TMEM266: variants seen among roughly 807,000 people sequenced by gnomAD.
The protein encoded by TMEM266 is Hv1 related protein 1.
In TMEM266, 33 loss-of-function variants were observed where a neutral mutation model predicts 50.5. The observed-to-expected ratio is 0.65, with a 90% CI of 0.50 to 0.87. The LOEUF (loss-of-function observed/expected upper bound fraction) is 0.87. Among genes scored for constraint, TMEM266 ranks in the 40% least tolerant of loss-of-function variants. The pLI, the probability that TMEM266 is intolerant of heterozygous loss-of-function variation, is 0.00. For missense variants in TMEM266, 655 were observed against 695.1 expected (o/e 0.94, Z 0.65); for synonymous variants, 310 against 292.3 (o/e 1.06, Z -0.62).
chr15:76,155,679 A>G (rs1489459339), intron 3 of TMEM266, among the ~76,000 whole-genome samples: 1 of 152,166 alleles, frequency 6.6e-6, no homozygotes, highest in Admixed American at 6.5e-5. Context: ...TATCCATTTA[A>G]CTTCGTTGGA....
At chr15:76,198,416 C>A (rs931000844) in intron 9 of TMEM266, among the ~76,000 whole-genome samples, 1 of 152,198 alleles carries the variant, frequency 6.6e-6, no homozygotes, top group African/African-American at 2.4e-5. Context: ...GGAAGGTGGG[C>A]AGCCCTGTGT....
At chr15:76,144,047 A>G (rs1218610372) in intron 3 of TMEM266, among the ~76,000 whole-genome samples, 1 of 152,128 alleles carries the variant, frequency 6.6e-6, no homozygotes, top group Non-Finnish European at 1.5e-5. Context: ...TCTGACCTGA[A>G]TCATTGCTAA....
At chr15:76,103,533 G>A (rs2142005172) in intron 1 of TMEM266, among the ~76,000 whole-genome samples, 1 of 152,296 alleles carries the variant, frequency 6.6e-6, no homozygotes. Context: ...AAAAGGCCAT[G>A]GTGGGGCAGA....
intron 1 of TMEM266, among the ~76,000 whole-genome samples, chr15:76,094,717 T>A (rs1378765265): frequency 3.9e-5 from 6 of 152,122 alleles, no homozygotes; most frequent in African/African-American, 1.4e-4. Context: ...AGTATAGCCA[T>A]TTTTACAATA....
intron 1 of TMEM266, among the ~76,000 whole-genome samples, chr15:76,116,083 C>A (rs1233552171): frequency 1.3e-5 from 2 of 152,152 alleles, no homozygotes; most frequent in Admixed American, 1.3e-4. Flanking sequence ...TAAGAACTAG[C>A]ACCACGTCCT....
At chr15:76,126,749 G>T (rs992668441) in intron 1 of TMEM266, among the ~76,000 whole-genome samples, 6 of 151,956 alleles carry the variant, frequency 3.9e-5, no homozygotes, top group Non-Finnish European at 8.8e-5. Flanking sequence ...GGCTGGTCTC[G>T]ACCTCCTGAC....
At chr15:76,096,731 G>T (rs1280645249) in intron 1 of TMEM266, among the ~76,000 whole-genome samples, 1 of 151,944 alleles carries the variant, frequency 6.6e-6, no homozygotes, top group African/African-American at 2.4e-5. Context: ...CTATTATTGT[G>T]TTGAAGTCTA....
intron 1 of TMEM266, among the ~76,000 whole-genome samples, chr15:76,128,722 T>A (rs2037460191): frequency 6.6e-6 from 1 of 152,244 alleles, no homozygotes; most frequent in Non-Finnish European, 1.5e-5. Flanking sequence ...GATTAAAACC[T>A]CCAGCTGAAG....
intron 8 of TMEM266, among the ~76,000 whole-genome samples, chr15:76,190,887 C>T (rs1230537498): frequency 6.6e-6 from 1 of 152,160 alleles, no homozygotes; most frequent in Non-Finnish European, 1.5e-5. Context: ...TGTCCGCCCT[C>T]CCGACTCGCT....
At chr15:76,191,874 C>T (rs1024019718) in intron 8 of TMEM266, 94 bp from the exon 9 acceptor site, 2 of 1,196,482 alleles carry the variant, frequency 1.7e-6, no homozygotes, top group Non-Finnish European at 2.2e-6. Context: ...CTCCCCACCC[C>T]GCCCCCATGC....
intron 8 of TMEM266, among the ~76,000 whole-genome samples, chr15:76,180,799 A>T (rs1406980968): frequency 6.6e-6 from 1 of 151,528 alleles, no homozygotes; most frequent in Admixed American, 6.6e-5. Flanking sequence ...TTTTTAGTAG[A>T]GACGGGGTTT....
At chr15:76,197,188 A>G (rs550344213) in intron 9 of TMEM266, among the ~76,000 whole-genome samples, 4 of 152,314 alleles carry the variant, frequency 2.6e-5, no homozygotes, top group African/African-American at 9.6e-5. Context: ...CATGAAGGCA[A>G]GGCTTTCCAC....
intron 1 of TMEM266, among the ~76,000 whole-genome samples, chr15:76,124,634 T>TA (rs1440501858): frequency 1.3e-5 from 2 of 151,670 alleles, no homozygotes; most frequent in South Asian, 2.1e-4. Context: ...CCCCCAACTC[T>TA]AAAAAAAATT....
At chr15:76,089,093 CAAAAA>C (rs1213055800) in intron 1 of TMEM266, among the ~76,000 whole-genome samples, 5 of 45,226 alleles carry the variant, frequency 1.1e-4, no homozygotes, top group Non-Finnish European at 1.5e-4. Flanking sequence ...GACTCTGTCT[CAAAAA>C]AAAAAAAAAA....
intron 8 of TMEM266, among the ~76,000 whole-genome samples, chr15:76,190,895 G>A (rs1197494454): frequency 6.6e-6 from 1 of 152,166 alleles, no homozygotes; most frequent in Admixed American, 6.5e-5. Flanking sequence ...CTCCCGACTC[G>A]CTCCGTTTAG....
intron 10 of TMEM266, among the ~76,000 whole-genome samples, chr15:76,203,101 C>T (rs914146313): frequency 2.0e-5 from 3 of 152,058 alleles, no homozygotes; most frequent in African/African-American, 7.2e-5. Context: ...TCACCTAGAG[C>T]AAAGAGCTCT....
At chr15:76,178,283 G>C (rs1247128271) in intron 8 of TMEM266, among the ~76,000 whole-genome samples, 2 of 152,180 alleles carry the variant, frequency 1.3e-5, no homozygotes, top group East Asian at 1.9e-4. Context: ...GGGGACAGAG[G>C]CTGGAGAAGA....
chr15:76,197,161 G>A (rs1233912990), intron 9 of TMEM266, among the ~76,000 whole-genome samples: 1 of 152,198 alleles, frequency 6.6e-6, no homozygotes, highest in Non-Finnish European at 1.5e-5. Flanking sequence ...CCTTGGAGAG[G>A]AGCGGGCCTG....
At chr15:76,100,772 G>T (rs1294535453) in intron 1 of TMEM266, among the ~76,000 whole-genome samples, 2 of 152,170 alleles carry the variant, frequency 1.3e-5, no homozygotes, top group African/African-American at 4.8e-5. Context: ...TGTCCCATCT[G>T]CCTATAAAGA....
Sources: allele counts gnomAD v4.1 joint callset (sites outside exome capture counted in the v4.1 genomes callset), GRCh38; gene constraint gnomAD v4.1.1; transcripts MANE v1.5; gene names NCBI Gene and HGNC (gene_info 2026-07-23, HGNC 2026-07-21).